Variants in CNTNAP2 observed in about 807,000 individuals in gnomAD.
CNTNAP2 encodes the protein contactin-associated protein-like 2.
CNTNAP2 carries 98 observed loss-of-function variants against 155.2 expected under a neutral mutation model. That is an observed-to-expected ratio of 0.63 (90% CI 0.54 to 0.75). The LOEUF is 0.75. Among genes scored for constraint, CNTNAP2 ranks in the 30% least tolerant of loss-of-function variants. The pLI is 0.00. For synonymous variants in CNTNAP2, 651 were observed against 631.2 expected (o/e 1.03, Z -0.47); for missense variants, 1,727 against 1,688.1 (o/e 1.02, Z -0.40).
chr7:147,378,218 T>A, intron 9 of CNTNAP2: 1 of 284,208 alleles, frequency 3.5e-6, no homozygotes, highest in Non-Finnish European at 7.0e-6. Context: ...CCTTTCAGTT[T>A]ACAAACTCAC....
At chr7:147,128,067 T>C (rs985030142) in intron 6 of CNTNAP2, among the ~76,000 whole-genome samples, 3 of 151,936 alleles carry the variant, frequency 2.0e-5, no homozygotes, top group Non-Finnish European at 2.9e-5. Flanking sequence ...TCTTAAGATT[T>C]AAAAGACCTA....
At position 146,904,608 on chromosome 7, in the gene CNTNAP2, A is replaced by G. The variant is rs181580738; in HGVS notation, c.402+64704A>G. ...TGCCTCAGCCTCCTGAGTAGCTGGG[A>G]CTACAGGCACCCGCCACCACGCCTG... On this transcript the variant is annotated intron_variant, in intron 3 of 23. Coordinates refer to ENST00000361727, the MANE Select transcript of CNTNAP2 (RefSeq NM_014141.6). Among the ~76,000 whole-genome samples the G allele has an allele frequency of 9.9e-5, 15 of 152,194 alleles. No homozygotes were observed. In the South Asian group the frequency reaches 2.3e-3, roughly 23 times the overall value.
At chr7:146,605,414 C>T (rs1799030225) in intron 1 of CNTNAP2, among the ~76,000 whole-genome samples, 1 of 151,252 alleles carries the variant, frequency 6.6e-6, no homozygotes, top group Non-Finnish European at 1.5e-5. Flanking sequence ...AATTCTTAGC[C>T]ACCTCATGGT....
At chr7:146,425,326 C>A (rs570326104) in intron 1 of CNTNAP2, among the ~76,000 whole-genome samples, 1 of 152,244 alleles carries the variant, frequency 6.6e-6, no homozygotes, top group South Asian at 2.1e-4. Flanking sequence ...TCCCCATTAC[C>A]TGAACTGTTG....
intron 13 of CNTNAP2, among the ~76,000 whole-genome samples, chr7:147,779,292 C>T (rs190384766): frequency 1.7e-4 from 26 of 152,186 alleles, no homozygotes; most frequent in African/African-American, 4.3e-4. Flanking sequence ...GGATTGAAGA[C>T]GGGAGATTAG....
intron 1 of CNTNAP2, among the ~76,000 whole-genome samples, chr7:146,623,926 CTTAG>C (rs1250678552): frequency 6.6e-6 from 1 of 152,086 alleles, no homozygotes; most frequent in Non-Finnish European, 1.5e-5. Context: ...GAATAATATT[CTTAG>C]TTTTGTGGAT....
intron 21 of CNTNAP2, among the ~76,000 whole-genome samples, chr7:148,327,034 G>T (rs192253713): frequency 6.6e-6 from 1 of 152,116 alleles, no homozygotes; most frequent in Non-Finnish European, 1.5e-5. Context: ...CAACGGGCTC[G>T]CAGTGGCTTT....
chr7:147,365,964 C>T (rs1275626543), intron 9 of CNTNAP2, among the ~76,000 whole-genome samples: 5 of 152,006 alleles, frequency 3.3e-5, no homozygotes, highest in African/African-American at 4.8e-5. Flanking sequence ...AATAGTTGGC[C>T]GTTTTTTATT....
At chr7:147,559,643 T>A (rs1800020974) in intron 11 of CNTNAP2, among the ~76,000 whole-genome samples, 1 of 152,016 alleles carries the variant, frequency 6.6e-6, no homozygotes, top group African/African-American at 2.4e-5. Context: ...AGGGGAATGG[T>A]TTCAATGGCA....
intron 18 of CNTNAP2, among the ~76,000 whole-genome samples, chr7:148,206,444 T>C (rs1585186901): frequency 6.6e-6 from 1 of 152,152 alleles, no homozygotes; most frequent in Middle Eastern, 3.4e-3. Context: ...ATACTATTTT[T>C]ACAACTTTTC....
At chr7:147,371,525 A>T (rs897052246) in intron 9 of CNTNAP2, among the ~76,000 whole-genome samples, 27 of 152,140 alleles carry the variant, frequency 1.8e-4, no homozygotes, top group African/African-American at 6.5e-4. Context: ...ATTCATGAAA[A>T]TTGACATTTT....
At chr7:148,061,057 T>G (rs1803119620) in intron 15 of CNTNAP2, among the ~76,000 whole-genome samples, 1 of 152,226 alleles carries the variant, frequency 6.6e-6, no homozygotes, top group Admixed American at 6.5e-5. Flanking sequence ...TACTTAATTT[T>G]TTTAAATAAA....
At chr7:146,830,685 C>G (rs913710281) in intron 2 of CNTNAP2, among the ~76,000 whole-genome samples, 2 of 152,098 alleles carry the variant, frequency 1.3e-5, no homozygotes, top group African/African-American at 4.8e-5. Context: ...GATGTTAAAA[C>G]AAACTGTACT....
rs1744796510 is a variant in CNTNAP2 at position 146,128,242 on chromosome 7, T to C, written c.97+11269T>C. 1.3e-5 allele frequency among the ~76,000 whole-genome samples: 2 copies of C among 152,202 alleles called. 1 individual carries two copies. The highest frequency in any genetic ancestry group is 2.9e-5 in the Non-Finnish European group (2 of 68,022). On this transcript the variant is annotated intron_variant, in intron 1 of 23. Transcript: ENST00000361727. ...GGAACTAGACTTTAGTAAACATGTT[T>C]CATCATATTAGGTACTGTACTGGTT...
intron 4 of CNTNAP2, among the ~76,000 whole-genome samples, chr7:147,060,058 T>C (rs369018139): frequency 2.0e-5 from 3 of 152,126 alleles, no homozygotes; most frequent in African/African-American, 7.2e-5. Context: ...ATTTTAACAA[T>C]ATGAAAATGA....
At chr7:146,797,515 A>G (rs1585095141) in intron 2 of CNTNAP2, among the ~76,000 whole-genome samples, 1 of 152,340 alleles carries the variant, frequency 6.6e-6, no homozygotes, top group Non-Finnish European at 1.5e-5. Flanking sequence ...GGATGAACTG[A>G]ATTAGGACAA....
At chr7:147,641,463 C>T (rs1795277487) in intron 13 of CNTNAP2, among the ~76,000 whole-genome samples, 1 of 152,060 alleles carries the variant, frequency 6.6e-6, no homozygotes, top group East Asian at 1.9e-4. Flanking sequence ...GATAATAAAA[C>T]CTGCTTTGCT....
At chr7:147,724,866 G>T (rs912825411) in intron 13 of CNTNAP2, among the ~76,000 whole-genome samples, 1 of 151,826 alleles carries the variant, frequency 6.6e-6, no homozygotes, top group African/African-American at 2.4e-5. Flanking sequence ...TGTTGAAAAG[G>T]TTAAATGTCA....
intron 14 of CNTNAP2, among the ~76,000 whole-genome samples, chr7:147,921,121 T>G (rs1227652063): frequency 6.6e-6 from 1 of 152,150 alleles, no homozygotes; most frequent in Non-Finnish European, 1.5e-5. Flanking sequence ...CTTTTTTTTT[T>G]TTGTTTAACA....
Sources: gnomAD v4.1 joint callset for allele counts (sites outside exome capture counted in the v4.1 genomes callset) on GRCh38, gnomAD v4.1.1 for gene constraint, MANE v1.5 for transcripts, NCBI Gene and HGNC (gene_info 2026-07-23, HGNC 2026-07-21) for gene names.